Variants in GLDC observed in about 807,000 individuals in gnomAD.
GLDC encodes glycine decarboxylase, also known as glycine dehydrogenase (decarboxylating), mitochondrial.
A neutral mutation model predicts 121.3 loss-of-function variants in GLDC; 104 were observed. That is an observed-to-expected ratio of 0.86 (90% CI 0.73 to 1.01). The LOEUF (loss-of-function observed/expected upper bound fraction) is 1.01, where lower values mean the gene tolerates loss of function less well. GLDC is among the 50% of genes least tolerant of loss of function. The probability of loss-of-function intolerance (pLI) is 0.00; values close to 1 mark genes in which losing one functional copy is unlikely to be tolerated. For missense variants in GLDC, 1,429 were observed against 1,306.6 expected, an observed-to-expected ratio of 1.09 and a Z score of -1.44; for synonymous variants, 546 against 480.6, an observed-to-expected ratio of 1.14 and a Z score of -1.78.
intron 2 of GLDC, among the ~76,000 whole-genome samples, chr9:6,642,795 G>C (rs769495019): frequency 6.6e-6 from 1 of 152,080 alleles, no homozygotes; most frequent in Non-Finnish European, 1.5e-5. Context: ...CTCAGGAAGG[G>C]ATTCACTTGT....
At position 6,622,862 on chromosome 9, in the gene GLDC, G is replaced by A. The variant is rs373812137; in HGVS notation, c.335-2543C>T. ...GAGCGTCTCTGCCCGGCCGCCCATCGTCTGAGATGTGGGGAGCGCCTCTGC... is the reference window on the plus strand; with the variant it reads ...GAGCGTCTCTGCCCGGCCGCCCATCATCTGAGATGTGGGGAGCGCCTCTGC... On this transcript the variant is annotated intron_variant, in intron 2 of 24. Transcript: ENST00000321612. The A allele has an allele frequency of 2.4e-4, 49 of 207,722 alleles. No individual in the cohort carries two copies. The East Asian group carries it at 2.6e-3, about 11-fold the overall frequency. The allele number at this position is 207,722 out of a possible 1,614,324, so 12.9% of individuals were successfully genotyped here. A position where few individuals can be genotyped will look rare whatever the true frequency, so the allele number is the denominator to read the frequency against.
chr9:6,577,827 T>C (rs1431654356), intron 15 of GLDC, among the ~76,000 whole-genome samples: 1 of 151,922 alleles, frequency 6.6e-6, no homozygotes, highest in Non-Finnish European at 1.5e-5. Flanking sequence ...TTTTTTTTGC[T>C]CGAATCCTGA....
intron 3 of GLDC, among the ~76,000 whole-genome samples, chr9:6,615,787 T>C (rs768866997): frequency 6.6e-6 from 1 of 152,110 alleles, no homozygotes; most frequent in Non-Finnish European, 1.5e-5. Flanking sequence ...ATTTTTTTTG[T>C]ATTTTTTGTA....
intron 15 of GLDC, among the ~76,000 whole-genome samples, chr9:6,570,084 T>C (rs1385620677): frequency 2.6e-5 from 4 of 152,216 alleles, no homozygotes; most frequent in East Asian, 1.9e-4. Context: ...TGTAGCTGCA[T>C]GCTTTTTATA....
chr9:6,560,547 C>T (rs185623848), intron 16 of GLDC, among the ~76,000 whole-genome samples: 1 of 152,314 alleles, frequency 6.6e-6, no homozygotes, highest in Non-Finnish European at 1.5e-5. Context: ...GCACTGTCCT[C>T]TCTCACAGGT....
intron 7 of GLDC, among the ~76,000 whole-genome samples, chr9:6,604,360 T>A (rs1157931462): frequency 6.6e-6 from 1 of 152,190 alleles, no homozygotes; most frequent in Non-Finnish European, 1.5e-5. Context: ...ATGACTTCGA[T>A]ACATTGTAAA....
At chr9:6,539,050 T>C (rs1377372496) in intron 22 of GLDC, among the ~76,000 whole-genome samples, 1 of 151,602 alleles carries the variant, frequency 6.6e-6, no homozygotes, top group Non-Finnish European at 1.5e-5. Flanking sequence ...AAAAGATTTT[T>C]TTCTTTTTTT....
At chr9:6,611,371 C>T (rs577652045) in intron 3 of GLDC, among the ~76,000 whole-genome samples, 80 of 152,224 alleles carry the variant, frequency 5.3e-4, no homozygotes, top group Middle Eastern at 3.4e-3. Flanking sequence ...TCCTGGCTAA[C>T]ATGGTGAAAC....
intron 3 of GLDC, among the ~76,000 whole-genome samples, chr9:6,618,175 T>C (rs1220851432): frequency 6.6e-6 from 1 of 152,236 alleles, no homozygotes. Context: ...TAAGATGTCT[T>C]CCTTTTAAGA....
At chr9:6,612,523 T>A (rs10815452) in intron 3 of GLDC, among the ~76,000 whole-genome samples, 31,434 of 151,846 alleles carry the variant, frequency 0.21, 3,579 homozygotes, top group East Asian at 0.43. Context: ...ACTCGAGCCC[T>A]GGAATTCGAG....
intron 4 of GLDC, among the ~76,000 whole-genome samples, chr9:6,609,533 C>T (rs181112756): frequency 2.6e-5 from 4 of 152,150 alleles, no homozygotes; most frequent in East Asian, 1.9e-4. Flanking sequence ...TTTGGAACAA[C>T]GGAGAGGCTC....
At chr9:6,543,719 G>A (rs562882436) in intron 21 of GLDC, among the ~76,000 whole-genome samples, 1 of 152,152 alleles carries the variant, frequency 6.6e-6, no homozygotes, top group Non-Finnish European at 1.5e-5. Context: ...GATGTTCTTT[G>A]CAGCTTTTAG....
intron 3 of GLDC, among the ~76,000 whole-genome samples, chr9:6,612,360 C>CCCA (rs904786585): frequency 3.3e-5 from 5 of 152,038 alleles, no homozygotes; most frequent in African/African-American, 1.2e-4. Flanking sequence ...AGGCAACCTC[C>CCCA]CCACCACACT....
Position 6,644,909 on chromosome 9 carries a change from T to G in GLDC, c.256-217A>C, listed in dbSNP as rs58925857. ...CCGCCACTCGGGGTTGGATTTCAGT[T>G]GCAACCGGAGCTAACCGGTAAGCCC... On this transcript the variant is annotated intron_variant, in intron 1 of 24. Coordinates refer to ENST00000321612, the MANE Select transcript of GLDC (RefSeq NM_000170.3). The G allele has an allele frequency of 6.1e-3, 3,814 of 627,008 alleles. 123 individuals are homozygous for G. The African/African-American group carries it at 0.063, about 10-fold the overall frequency. 38.8% of individuals were successfully genotyped at this position (627,008 alleles called of 1,614,324 possible).
rs2129885109 is a variant in GLDC at position 6,602,101 on chromosome 9, T to G, written c.1155+8A>C. ...GCATTCAGTAGTCAGGTCAGACGTG[T>G]GATTTACCTGAGCTGTACAGATGTT... On this transcript the variant is annotated splice_region_variant and intron_variant, in intron 8 of 24. Transcript: ENST00000321612. The G allele has an allele frequency of 1.3e-6, 2 of 1,547,140 alleles. No individual in the cohort carries two copies. Among genetic ancestry groups the G allele is most frequent in the South Asian group, 1.1e-5 (1 of 89,738 alleles).
chr9:6,551,973 C>T lies in GLDC; in HGVS notation c.2458-1059G>A, dbSNP rs138750081. 4.4e-3 allele frequency among the ~76,000 whole-genome samples: 669 copies of T among 152,294 alleles called. 3 individuals carry two copies. Among genetic ancestry groups the T allele is most frequent in the African/African-American group, 0.015 (616 of 41,562 alleles). On this transcript the variant is annotated intron_variant, in intron 20 of 24. Transcript: ENST00000321612. Reference sequence around the variant, plus strand: ...AACCCTACATGTGCTCAGTTTGGTTCTCCTTGGAATGGGGCCTAGGCATGT... The same window carrying T: ...AACCCTACATGTGCTCAGTTTGGTTTTCCTTGGAATGGGGCCTAGGCATGT...
chr9:6,634,147 A>G (rs964548898), intron 2 of GLDC, among the ~76,000 whole-genome samples: 1 of 151,894 alleles, frequency 6.6e-6, no homozygotes, highest in Admixed American at 6.6e-5. Flanking sequence ...GAGAATCTTG[A>G]ATCTGGGAGG....
At chr9:6,619,010 G>A (rs375968473) in intron 3 of GLDC, among the ~76,000 whole-genome samples, 2 of 151,922 alleles carry the variant, frequency 1.3e-5, no homozygotes, top group African/African-American at 4.8e-5. Context: ...AGGCACACTG[G>A]CAGGCACCTG....
chr9:6,552,512 C>T (rs958406616), intron 20 of GLDC, among the ~76,000 whole-genome samples: 4 of 152,108 alleles, frequency 2.6e-5, no homozygotes, highest in Non-Finnish European at 4.4e-5. Flanking sequence ...AGAATTGTTC[C>T]GGCTTCCAAG....
Sources: gnomAD v4.1 joint callset for allele counts (sites outside exome capture counted in the v4.1 genomes callset) on GRCh38, gnomAD v4.1.1 for gene constraint, MANE v1.5 for transcripts, NCBI Gene and HGNC (gene_info 2026-07-23, HGNC 2026-07-21) for gene names.